The following CHN2 variants were observed in gnomAD, a reference collection of about 807,000 sequenced individuals.
The protein encoded by CHN2 is beta-chimaerin.
CHN2 carries 35 observed loss-of-function variants against 56.3 expected under a neutral mutation model. The observed-to-expected ratio is 0.62, with a 90% CI of 0.47 to 0.82. The LOEUF is 0.82. CHN2 is among the 40% of genes least tolerant of loss of function. CHN2 has a pLI of 0.00. For synonymous variants in CHN2, 210 were observed against 212.8 expected, an observed-to-expected ratio of 0.99 and a Z score of 0.12; for missense variants, 491 against 580.5, an observed-to-expected ratio of 0.85 and a Z score of 1.58.
rs1038358762 is a variant in CHN2, at chr7:29,382,690, C to T, written c.145-10989C>T. Among the ~76,000 whole-genome samples the T allele has an allele frequency of 2.6e-5, 4 of 152,144 alleles. No homozygotes were observed. The South Asian group carries it at 6.2e-4, about 24-fold the overall frequency. ...CCAACAATCCCAATCCCAGTAAGAT[C>T]GCCACGGCCCTAACTCAGGCCTTTT... On this transcript the variant is annotated intron_variant, in intron 3 of 12. Transcript: ENST00000222792.
chr7:29,507,189 A>T, intron 10 of CHN2, 39 bp from the exon 11 acceptor site: 2 of 1,559,932 alleles, frequency 1.3e-6, no homozygotes, highest in South Asian at 2.4e-5. Context: ...TGGTGAAATA[A>T]GGTCCTAATT....
intron 1 of CHN2, among the ~76,000 whole-genome samples, chr7:29,343,764 A>C (rs1797223030): frequency 1.2e-4 from 18 of 145,236 alleles, no homozygotes; most frequent in East Asian, 4.1e-4. Flanking sequence ...TCCCTCCCCC[A>C]CTCTCATGTT....
chr7:29,482,078 T>C (rs932773488), intron 7 of CHN2, among the ~76,000 whole-genome samples: 7 of 152,242 alleles, frequency 4.6e-5, no homozygotes, highest in Admixed American at 1.3e-4. Flanking sequence ...TAAGTAGTAC[T>C]GTTGCTAACA....
chr7:29,447,274 C>A (rs1035696204), intron 6 of CHN2, among the ~76,000 whole-genome samples: 1 of 152,030 alleles, frequency 6.6e-6, no homozygotes, highest in Non-Finnish European at 1.5e-5. Flanking sequence ...AAAAAAGATC[C>A]AAATCAAACC....
At chr7:29,429,023 A>G (rs1376662287) in intron 6 of CHN2, among the ~76,000 whole-genome samples, 2 of 152,108 alleles carry the variant, frequency 1.3e-5, no homozygotes, top group East Asian at 3.8e-4. Context: ...TCGCATTTTC[A>G]TTGAGTGGGG....
At chr7:29,372,867 C>G (rs1485054477) in intron 3 of CHN2, among the ~76,000 whole-genome samples, 2 of 152,156 alleles carry the variant, frequency 1.3e-5, no homozygotes, top group African/African-American at 2.4e-5. Context: ...TTACCTCAAG[C>G]CTACACTAAA....
chr7:29,433,167 A>AT (rs965359317), intron 6 of CHN2, among the ~76,000 whole-genome samples: 16 of 151,606 alleles, frequency 1.1e-4, no homozygotes, highest in South Asian at 2.1e-4. Context: ...GTGGGGGGAG[A>AT]TTTTTTTTTG....
At chr7:29,187,191 TA>T (rs747070976) in intron 2 of CHN2, among the ~76,000 whole-genome samples, 5 of 152,160 alleles carry the variant, frequency 3.3e-5, no homozygotes, top group Non-Finnish European at 4.4e-5. Context: ...CTTTATCTTA[TA>T]GGGGCCAAAT....
chr7:29,445,149 A>C (rs1484660547), intron 6 of CHN2: 1 of 456,032 alleles, frequency 2.2e-6, no homozygotes, highest in East Asian at 6.9e-5. Flanking sequence ...TTCTGGAGAA[A>C]TCCCACCAGT....
chr7:29,206,505 C>CCA (rs1304606965), intron 1 of CHN2, among the ~76,000 whole-genome samples: 169 of 152,312 alleles, frequency 1.1e-3, no homozygotes, highest in African/African-American at 3.9e-3. Context: ...TGGTCTCAAA[C>CCA]TCCTGACCTC....
chr7:29,165,677 T>C (rs1401065869), intron 2 of CHN2, among the ~76,000 whole-genome samples: 1 of 152,240 alleles, frequency 6.6e-6, no homozygotes, highest in Non-Finnish European at 1.5e-5. Flanking sequence ...AGGTGTTAAC[T>C]GTAGGCTTTT....
At chr7:29,293,857 A>ATTTTTTTTTTTTTTTTTTT (rs70980522) in intron 1 of CHN2, among the ~76,000 whole-genome samples, 1 of 78,496 alleles carries the variant, frequency 1.3e-5, no homozygotes, top group African/African-American at 5.0e-5. Context: ...GAGGCTGGGA[A>ATTTTTTTTTTTTTTTTTTT]TTTTTTTTTT....
rs1213383008 is a variant in CHN2 at position 29,400,658 on chromosome 7, A to G, written c.406A>G (p.Ile136Val). 5 of 1,614,084 alleles carry G rather than the reference A, an allele frequency of 3.1e-6. No homozygotes were observed. The highest frequency in any genetic ancestry group is 2.2e-5 in the East Asian group (1 of 44,900). Residue 136 changes from isoleucine to valine, a missense_variant, in exon 6 of 13, where the codon ATA (isoleucine) becomes GTA (valine). By Grantham distance (29) the Ile-to-Val change is conservative. Transcript: ENST00000222792. ...GACAGATGGCTTGATAACACTGTAC[A>G]TAGAAACAAAAGCTGCCGAGTACAT... ...LVTDGLITLYIETKAAEYISK... is the reference protein window; with the variant it reads ...LVTDGLITLYVETKAAEYISK...
In CHN2 at chr7:29,347,489, G is replaced by A. The variant is rs145627352; in HGVS notation, c.50-7136G>A. On this transcript the variant is annotated intron_variant, in intron 1 of 12. Transcript: ENST00000222792. ...ATGGTGGAAGGCGGAGGGGAAGCAG[G>A]CACCTTCTTCACAAGGTGGCAAGGG... 9.1e-3 allele frequency among the ~76,000 whole-genome samples: 1,383 copies of A among 152,236 alleles called. 13 individuals carry two copies. Among genetic ancestry groups the A allele is most frequent in the Middle Eastern group, 0.024 (7 of 294 alleles).
intron 8 of CHN2, among the ~76,000 whole-genome samples, chr7:29,496,243 GAAA>G (rs70980542): frequency 7.6e-6 from 1 of 132,264 alleles, no homozygotes; most frequent in South Asian, 2.4e-4. Flanking sequence ...TGCAAGAAAA[GAAA>G]AAAAAAAACA....
intron 9 of CHN2, among the ~76,000 whole-genome samples, chr7:29,504,098 C>T (rs1451048620): frequency 1.3e-5 from 2 of 152,126 alleles, no homozygotes; most frequent in Admixed American, 6.5e-5. Context: ...TTTAATTAAA[C>T]AGTTAACATA....
Position 29,433,837 on chromosome 7 carries a change from T to TA in CHN2, c.576+33012dup, listed in dbSNP as rs1418330256. 7.9e-3 allele frequency among the ~76,000 whole-genome samples: 944 copies of TA among 119,582 alleles called. 17 individuals are homozygous for TA. The highest frequency in any genetic ancestry group is 0.029 in the African/African-American group (804 of 27,366). The allele number at this position is 119,582 out of a possible 152,430, so 78.5% of individuals were successfully genotyped here. On this transcript the variant is annotated intron_variant, in intron 6 of 12. Coordinates refer to ENST00000222792, the MANE Select transcript of CHN2 (RefSeq NM_004067.4). The stretch of plus-strand genomic sequence containing the variant: ...CTGGGTGACAGAGAAAGACTCCATC[T>TA]AAACAAAAAAAAAAAGGAAGGAAGG...
At chr7:29,294,023 C>T (rs898273901) in intron 1 of CHN2, among the ~76,000 whole-genome samples, 2 of 152,028 alleles carry the variant, frequency 1.3e-5, no homozygotes, top group African/African-American at 2.4e-5. Context: ...CCCGCCACCA[C>T]GCCCAGCTAA....
chr7:29,405,606 A>C (rs189536915), intron 6 of CHN2, among the ~76,000 whole-genome samples: 376 of 152,292 alleles, frequency 2.5e-3, no homozygotes, highest in Non-Finnish European at 4.4e-3. Flanking sequence ...CAGGCACCGA[A>C]GCCCTCTTTG....
Sources: allele counts gnomAD v4.1 joint callset (sites outside exome capture counted in the v4.1 genomes callset), GRCh38; gene constraint gnomAD v4.1.1; transcripts MANE v1.5; gene names NCBI Gene and HGNC (gene_info 2026-07-23, HGNC 2026-07-21).